Variants in SEMA4B observed in about 807,000 individuals in gnomAD.
SEMA4B encodes the protein semaphorin-4B.
In SEMA4B, 55 loss-of-function variants were observed where a neutral mutation model predicts 88.1. The ratio of observed to expected loss-of-function variants is 0.62; its 90% CI spans 0.50 to 0.78. The LOEUF is 0.78. SEMA4B is among the 30% of genes least tolerant of loss of function. The pLI is 0.00. For missense variants in SEMA4B, 1,062 were observed against 1,111.9 expected, an observed-to-expected ratio of 0.96 and a Z score of 0.64; for synonymous variants, 525 against 473.6, an observed-to-expected ratio of 1.11 and a Z score of -1.41.
intron 1 of SEMA4B, among the ~76,000 whole-genome samples, chr15:90,188,051 G>C (rs1223925870): frequency 6.6e-6 from 1 of 151,618 alleles, no homozygotes; most frequent in Non-Finnish European, 1.5e-5. Context: ...AGGCATGGTG[G>C]CTCATGCCTG....
chr15:90,200,140 G>A (rs1466898339), upstream of SEMA4B, among the ~76,000 whole-genome samples: 1 of 152,216 alleles, frequency 6.6e-6, no homozygotes, highest in African/African-American at 2.4e-5. Flanking sequence ...GACCATGTGG[G>A]TGCTGTGCCC....
chr15:90,191,406 A>G (rs1482527405), intron 1 of SEMA4B, among the ~76,000 whole-genome samples: 1 of 152,222 alleles, frequency 6.6e-6, no homozygotes. Flanking sequence ...GCCATGGGGC[A>G]ACTTTCATGG....
upstream of SEMA4B, chr15:90,201,232 C>T (rs1249737725): frequency 4.6e-6 from 4 of 863,130 alleles, no homozygotes; most frequent in South Asian, 2.1e-4. Flanking sequence ...CCCGAGCTGC[C>T]GCCCCTCGCG....
intron 5 of SEMA4B, 30 bp downstream of exon 5, chr15:90,221,123 G>GA (rs201799471): frequency 1.9e-5 from 29 of 1,495,976 alleles, no homozygotes; most frequent in Non-Finnish European, 2.7e-5. Context: ...TGGCTTCATT[G>GA]AGGTTCCATG....
intron 1 of SEMA4B, among the ~76,000 whole-genome samples, chr15:90,213,235 G>A (rs947562497): frequency 1.3e-5 from 2 of 151,822 alleles, no homozygotes; most frequent in African/African-American, 4.9e-5. Context: ...TAAGTGGCGT[G>A]TCCTGGTGGC....
chr15:90,196,526 G>C (rs143355888), upstream of SEMA4B, among the ~76,000 whole-genome samples: 1 of 151,492 alleles, frequency 6.6e-6, no homozygotes, highest in African/African-American at 2.4e-5. Flanking sequence ...TCTCGCTGTC[G>C]GTCAGGCTGG....
rs1168184432 is a variant in SEMA4B at position 90,221,398 on chromosome 15, C to T, written c.627C>T (p.Ser209=). The T allele has an allele frequency of 4.4e-6, 7 of 1,574,344 alleles. No individual in the cohort carries two copies. The highest frequency in any genetic ancestry group is 6.0e-6 in the Non-Finnish European group (7 of 1,160,906). Reference sequence around the variant, plus strand: ...AGCTCTACACTGGAACAGTCAGCAGCTTCCAAGGGAATGACCCGGCCATCT... The same window carrying T: ...AGCTCTACACTGGAACAGTCAGCAGTTTCCAAGGGAATGACCCGGCCATCT... ...DGELYTGTVS[S]FQGNDPAISR... The change falls in exon 6 of 14, where the codon AGC becomes AGT. Residue 209 remains serine (S), a synonymous_variant. Transcript: ENST00000411539.
chr15:90,220,896 T>C, intron 4 of SEMA4B, 86 bp from the exon 5 acceptor site: 1 of 860,764 alleles, frequency 1.2e-6, no homozygotes, highest in Non-Finnish European at 1.9e-6. Context: ...CAGAGTTGCC[T>C]TCTCCTGCAC....
chr15:90,223,095 A>G (rs1961949260), intron 7 of SEMA4B, among the ~76,000 whole-genome samples: 1 of 151,738 alleles, frequency 6.6e-6, no homozygotes. Context: ...CCCCTCATGT[A>G]GCTGGGACTA....
chr15:90,185,155 C>G, intron 1 of SEMA4B: 4 of 814,938 alleles, frequency 4.9e-6, no homozygotes, highest in Non-Finnish European at 5.9e-6. Flanking sequence ...AACCGCCGCG[C>G]AGCCGCTGCC....
At chr15:90,225,496 G>A in intron 11 of SEMA4B, 99 bp downstream of exon 11, 2 of 1,334,586 alleles carry the variant, frequency 1.5e-6, no homozygotes, top group Non-Finnish European at 2.1e-6. Flanking sequence ...TGCCTCAGGA[G>A]GATGGAAAGA....
At position 90,201,593 on chromosome 15, in the gene SEMA4B, G is replaced by T; in HGVS notation, c.15G>T (p.Ala5=). The T allele has an allele frequency of 1.3e-6, 2 of 1,505,702 alleles. No homozygotes were observed. The highest frequency in any genetic ancestry group is 1.8e-6 in the Non-Finnish European group (2 of 1,134,660). The allele number at this position is 1,505,702 out of a possible 1,614,324, so 93.3% of individuals were successfully genotyped here. A position where few individuals can be genotyped will look rare whatever the true frequency, so the allele number is the denominator to read the frequency against. Reference sequence around the variant, plus strand: ...CTGCTCTCCGAATGCTGCGCACCGCGATGGGCCTGAGGAGCTGGCTCGCCG... The same window carrying T: ...CTGCTCTCCGAATGCTGCGCACCGCTATGGGCCTGAGGAGCTGGCTCGCCG... MLRT[A]MGLRSWLAAP... is the part of the protein sequence containing the mutation. The change falls in exon 1 of 14, where the codon GCG becomes GCT. Residue 5 remains alanine, a synonymous_variant. Transcript: ENST00000411539.
intron 1 of SEMA4B, among the ~76,000 whole-genome samples, chr15:90,188,363 T>C (rs6496642): frequency 0.058 from 8,698 of 149,534 alleles, 765 homozygotes; most frequent in African/African-American, 0.19. Flanking sequence ...CGAGGTGGCT[T>C]ATGCCTGTAA....
intron 1 of SEMA4B, among the ~76,000 whole-genome samples, chr15:90,185,457 C>T (rs1952577511): frequency 6.6e-6 from 1 of 152,232 alleles, no homozygotes; most frequent in African/African-American, 2.4e-5. Context: ...GAGTTAGGCC[C>T]TTTGTCATGG....
intron 11 of SEMA4B, 84 bp downstream of exon 11, chr15:90,225,481 T>A: frequency 1.5e-6 from 2 of 1,363,640 alleles, no homozygotes; most frequent in Non-Finnish European, 1.0e-6. Context: ...CAGCTTCTCC[T>A]CCCTTGCCTC....
At chr15:90,186,239 G>A (rs919531270) in intron 1 of SEMA4B, among the ~76,000 whole-genome samples, 14 of 151,814 alleles carry the variant, frequency 9.2e-5, no homozygotes, top group Non-Finnish European at 1.8e-4. Context: ...TGGCCTTTTT[G>A]GAGATTATAC....
intron 1 of SEMA4B, among the ~76,000 whole-genome samples, chr15:90,190,101 G>C (rs544639519): frequency 9.2e-5 from 14 of 152,198 alleles, no homozygotes; most frequent in Non-Finnish European, 2.1e-4. Context: ...AGAGTCCCTG[G>C]TGTGGTGCCC....
At chr15:90,227,816 C>T (rs1962250144) in intron 13 of SEMA4B, 88 bp from the exon 14 acceptor site, 3 of 1,578,126 alleles carry the variant, frequency 1.9e-6, no homozygotes, top group Admixed American at 1.7e-5. Context: ...CATCGTGGCA[C>T]CAGGGGCATA....
chr15:90,219,574 A>C (rs1961699592), intron 3 of SEMA4B: 1 of 534,506 alleles, frequency 1.9e-6, no homozygotes, highest in African/African-American at 1.9e-5. Flanking sequence ...TGCCAGTCAC[A>C]AAACTAGCTG....
Sources: gnomAD v4.1 joint callset for allele counts (sites outside exome capture counted in the v4.1 genomes callset) on GRCh38, gnomAD v4.1.1 for gene constraint, MANE v1.5 for transcripts, NCBI Gene and HGNC (gene_info 2026-07-23, HGNC 2026-07-21) for gene names.